Variants in CNTN4 observed in about 807,000 individuals in gnomAD.
CNTN4 encodes contactin 4.
CNTN4 carries 77 observed loss-of-function variants against 122.5 expected under a neutral mutation model. The ratio of observed to expected loss-of-function variants is 0.63; its 90% CI spans 0.52 to 0.76. The LOEUF (loss-of-function observed/expected upper bound fraction) is 0.76, where lower values mean the gene tolerates loss of function less well. Ranked by LOEUF, CNTN4 falls within the 30% of genes least tolerant of loss-of-function variation. The pLI, the probability that CNTN4 is intolerant of heterozygous loss-of-function variation, is 0.00. For synonymous variants in CNTN4, 512 were observed against 447.0 expected (o/e 1.15, Z -1.83); for missense variants, 1,256 against 1,259.1 (o/e 1.00, Z 0.04).
intron 2 of CNTN4, among the ~76,000 whole-genome samples, chr3:2,132,643 C>T (rs561406934): frequency 6.6e-6 from 1 of 152,190 alleles, no homozygotes; most frequent in South Asian, 2.1e-4. Flanking sequence ...TAGTGATTGG[C>T]CAGCATCCAA....
intron 2 of CNTN4, among the ~76,000 whole-genome samples, chr3:2,173,679 ACTTC>A (rs1429259490): frequency 6.6e-6 from 1 of 150,774 alleles, no homozygotes; most frequent in Non-Finnish European, 1.5e-5. Flanking sequence ...TCAGCTACTT[ACTTC>A]CTTTTATAAT....
chr3:2,732,609 A>G (rs2088778147), intron 4 of CNTN4, among the ~76,000 whole-genome samples: 1 of 152,126 alleles, frequency 6.6e-6, no homozygotes, highest in African/African-American at 2.4e-5. Flanking sequence ...TGGCTGCCAC[A>G]CAGAGATAGA....
chr3:2,420,129 A>G (rs1450732318), intron 3 of CNTN4, among the ~76,000 whole-genome samples: 2 of 152,198 alleles, frequency 1.3e-5, no homozygotes. Flanking sequence ...TGCCCTATCC[A>G]TATGCCTCAG....
chr3:2,169,091 C>T (rs1012095333), intron 2 of CNTN4, among the ~76,000 whole-genome samples: 1 of 152,038 alleles, frequency 6.6e-6, no homozygotes, highest in Admixed American at 6.6e-5. Context: ...TTTTGAGAGT[C>T]TAATATATAT....
At chr3:2,524,458 T>C (rs1477639579) in intron 3 of CNTN4, among the ~76,000 whole-genome samples, 1 of 152,120 alleles carries the variant, frequency 6.6e-6, no homozygotes, top group African/African-American at 2.4e-5. Flanking sequence ...TCTGGAATCG[T>C]TTTTGTGTGG....
intron 2 of CNTN4, among the ~76,000 whole-genome samples, chr3:2,263,961 A>G (rs980209511): frequency 2.0e-5 from 3 of 152,170 alleles, no homozygotes; most frequent in Non-Finnish European, 2.9e-5. Context: ...TTTTATGGCC[A>G]AATAATATTC....
intron 20 of CNTN4, 101 bp downstream of exon 20, chr3:3,040,372 T>C: frequency 1.1e-6 from 1 of 869,966 alleles, no homozygotes; most frequent in Admixed American, 2.0e-5. Context: ...ACATGTATCT[T>C]GAAGGCATAC....
chr3:2,650,939 A>C (rs1048634160), intron 4 of CNTN4, among the ~76,000 whole-genome samples: 1 of 152,186 alleles, frequency 6.6e-6, no homozygotes, highest in Non-Finnish European at 1.5e-5. Context: ...AGATAAGACT[A>C]TGAATGTATG....
intron 10 of CNTN4, among the ~76,000 whole-genome samples, chr3:2,899,635 G>C (rs184173350): frequency 2.0e-5 from 3 of 152,272 alleles, no homozygotes; most frequent in East Asian, 3.9e-4. Context: ...AATAAGGAAA[G>C]AAAATGTGAC....
chr3:2,824,875 C>T, intron 7 of CNTN4, among the ~76,000 whole-genome samples: 1 of 152,112 alleles, frequency 6.6e-6, no homozygotes. Context: ...GTTGGCCAGG[C>T]TGATCTCAAA....
At chr3:2,209,678 T>C (rs1306832636) in intron 2 of CNTN4, among the ~76,000 whole-genome samples, 9 of 152,124 alleles carry the variant, frequency 5.9e-5, no homozygotes, top group Non-Finnish European at 1.5e-5. Context: ...ACTTTATGTT[T>C]TATTCAGGGT....
chr3:2,866,928 C>G lies in CNTN4; in HGVS notation c.631C>G (p.Pro211Ala). 1 of 1,613,844 alleles carries G rather than the reference C, an allele frequency of 6.2e-7. No homozygotes were observed. The highest frequency in any genetic ancestry group is 8.5e-7 in the Non-Finnish European group (1 of 1,179,806). The change falls in exon 8 of 25, where the codon CCA becomes GCA. Residue 211 changes from proline to alanine, a missense_variant. Pro to Ala is a conservative substitution (Grantham distance 27, BLOSUM62 -1). Transcript: ENST00000418658. ...TNHKVLGPPT[P>A]LILRNDGVMG... ...CCACAAGGTCCTGGGGCCACCTACACCACTAATATTGAGAAATGATGGTGA... is the reference window on the plus strand; with the variant it reads ...CCACAAGGTCCTGGGGCCACCTACAGCACTAATATTGAGAAATGATGGTGA...
rs753850395 is a variant in CNTN4, at chr3:2,900,788, G to T, written c.1044G>T (p.Lys348Asn). ...ATGGAAGGCCTAAGCCTACATACAA[G>T]TGGCTAAAAAATGGCGAACCTCTGC... ...KANGRPKPTY[K>N]WLKNGEPLLT... Residue 348 changes from lysine to asparagine, a missense_variant, in exon 11 of 25, where the codon AAG (lysine) becomes AAT (asparagine). Transcript: ENST00000418658. 2.5e-6 allele frequency: 4 copies of T among 1,613,960 alleles called. No homozygotes were observed. Among genetic ancestry groups the T allele is most frequent in the Non-Finnish European group, 3.4e-6 (4 of 1,179,834 alleles).
chr3:2,632,527 G>A (rs774510095), intron 4 of CNTN4, among the ~76,000 whole-genome samples: 1 of 152,110 alleles, frequency 6.6e-6, no homozygotes, highest in Admixed American at 6.6e-5. Context: ...TCAAAGAGTT[G>A]CACATTTATG....
At chr3:2,800,906 C>G (rs188771534) in intron 6 of CNTN4, among the ~76,000 whole-genome samples, 1 of 152,186 alleles carries the variant, frequency 6.6e-6, no homozygotes, top group Non-Finnish European at 1.5e-5. Flanking sequence ...CTTCAGGTCT[C>G]TACTCAAACG....
At chr3:2,181,453 C>G (rs948902377) in intron 2 of CNTN4, among the ~76,000 whole-genome samples, 2 of 152,010 alleles carry the variant, frequency 1.3e-5, no homozygotes, top group Non-Finnish European at 2.9e-5. Context: ...CAAACGCCAG[C>G]AAATACTTAG....
intron 19 of CNTN4, 173 bp from the exon 20 acceptor site, chr3:3,039,846 CCTGTCCAGTACATCATAA>C (rs1699980049): frequency 4.9e-6 from 3 of 606,136 alleles, no homozygotes; most frequent in Non-Finnish European, 3.0e-6. Context: ...CGTTTTCAAC[CCTGTCCAGTACATCATAA>C]CTGTTTAAGA....
chr3:2,350,591 T>G (rs994382223), intron 3 of CNTN4, among the ~76,000 whole-genome samples: 1 of 152,064 alleles, frequency 6.6e-6, no homozygotes, highest in South Asian at 2.1e-4. Flanking sequence ...AGTAGAATTC[T>G]AGGAGTGGTT....
chr3:2,701,897 CT>C (rs1408326756), intron 4 of CNTN4, among the ~76,000 whole-genome samples: 1 of 151,460 alleles, frequency 6.6e-6, no homozygotes, highest in Non-Finnish European at 1.5e-5. Flanking sequence ...ATACAAGTAA[CT>C]GAAACTGACT....
Sources: allele counts gnomAD v4.1 joint callset (sites outside exome capture counted in the v4.1 genomes callset), GRCh38; gene constraint gnomAD v4.1.1; transcripts MANE v1.5; gene names NCBI Gene and HGNC (gene_info 2026-07-23, HGNC 2026-07-21).